TEX9: variants seen among roughly 807,000 people sequenced by gnomAD.
The protein encoded by TEX9 is testis-expressed protein 9.
In TEX9, 74 loss-of-function variants were observed where a neutral mutation model predicts 59.6. The ratio of observed to expected loss-of-function variants is 1.24; its 90% CI spans 1.03 to 1.51. The LOEUF (loss-of-function observed/expected upper bound fraction) is 1.51. Among genes scored for constraint, TEX9 ranks in the 40% most tolerant of loss-of-function variants. The pLI, the probability that TEX9 is intolerant of heterozygous loss-of-function variation, is 0.00. For synonymous variants in TEX9, 186 were observed against 152.2 expected, an observed-to-expected ratio of 1.22 and a Z score of -1.64; for missense variants, 522 against 447.8, an observed-to-expected ratio of 1.17 and a Z score of -1.49.
intron 1 of TEX9, among the ~76,000 whole-genome samples, chr15:56,321,304 G>A (rs2045896043): frequency 6.6e-6 from 1 of 152,176 alleles, no homozygotes; most frequent in Non-Finnish European, 1.5e-5. Context: ...CCAGAGCACA[G>A]AATACTCAGG....
chr15:56,436,755 T>TA (rs2050732897), intron 12 of TEX9, among the ~76,000 whole-genome samples: 1 of 151,822 alleles, frequency 6.6e-6, no homozygotes, highest in African/African-American at 2.4e-5. Context: ...ATAGACGCAA[T>TA]AAAAAATGAT....
At chr15:56,420,941 G>C (rs2140226574) in intron 10 of TEX9, among the ~76,000 whole-genome samples, 1 of 151,928 alleles carries the variant, frequency 6.6e-6, no homozygotes, top group East Asian at 1.9e-4. Context: ...TAAATTTATG[G>C]ATACTTTTTT....
intron 12 of TEX9, chr15:56,429,406 T>TATC (rs2050494552): frequency 4.7e-6 from 2 of 424,356 alleles, no homozygotes; most frequent in Admixed American, 4.7e-5. Flanking sequence ...TTTTCTGATT[T>TATC]ATCAGCTCTA....
At chr15:56,400,378 G>T (rs1168138906) in intron 9 of TEX9, among the ~76,000 whole-genome samples, 1 of 152,068 alleles carries the variant, frequency 6.6e-6, no homozygotes, top group Non-Finnish European at 1.5e-5. Context: ...TGAAAGAAAG[G>T]GTATTAGGGA....
chr15:56,458,475 C>T, the TEX9 span, among the ~76,000 whole-genome samples: 8 of 152,046 alleles, frequency 5.3e-5, no homozygotes, highest in South Asian at 8.3e-4. Flanking sequence ...ATCATTATCA[C>T]GCAAAGTCCA....
chr15:56,323,358 A>G, intron 1 of TEX9: 1 of 177,150 alleles, frequency 5.6e-6, no homozygotes, highest in Non-Finnish European at 1.2e-5. Flanking sequence ...GGAAACAAAA[A>G]AAGTTCAAGG....
intron 12 of TEX9, among the ~76,000 whole-genome samples, chr15:56,430,719 C>A (rs1447468941): frequency 6.7e-6 from 1 of 149,642 alleles, no homozygotes; most frequent in Non-Finnish European, 1.5e-5. Context: ...TACTACAGTT[C>A]TAGGGTAGTC....
At chr15:56,268,462 T>C (rs1456350827) in intron 1 of TEX9, among the ~76,000 whole-genome samples, 3 of 152,212 alleles carry the variant, frequency 2.0e-5, no homozygotes, top group Non-Finnish European at 4.4e-5. Flanking sequence ...GCTGTGGGTT[T>C]GTCGTAAATA....
intron 1 of TEX9, among the ~76,000 whole-genome samples, chr15:56,309,923 T>C (rs1179822262): frequency 6.7e-6 from 1 of 150,234 alleles, no homozygotes; most frequent in African/African-American, 2.5e-5. Context: ...GAAGGGGAGG[T>C]GGTAGCAGGT....
intron 7 of TEX9, 111 bp downstream of exon 7, chr15:56,391,529 T>G: frequency 1.4e-6 from 1 of 728,062 alleles, no homozygotes; most frequent in South Asian, 3.6e-5. Context: ...ATGTCTTGGT[T>G]TGTTTCAGAA....
At chr15:56,307,609 C>CT (rs1469414088) in intron 1 of TEX9, among the ~76,000 whole-genome samples, 6 of 152,180 alleles carry the variant, frequency 3.9e-5, no homozygotes, top group Non-Finnish European at 7.3e-5. Context: ...ATAAAATTCA[C>CT]CCTTTTAAAT....
chr15:56,425,529 A>G (rs2050198741), intron 10 of TEX9, among the ~76,000 whole-genome samples: 2 of 152,100 alleles, frequency 1.3e-5, no homozygotes, highest in African/African-American at 4.8e-5. Context: ...CCATTCAGTT[A>G]CTGTATTTTT....
chr15:56,323,227 C>G (rs2045942065), intron 1 of TEX9: 1 of 216,830 alleles, frequency 4.6e-6, no homozygotes, highest in Non-Finnish European at 9.8e-6. Flanking sequence ...GTCAACTTCT[C>G]AAAGTTCTCT....
intron 12 of TEX9, chr15:56,428,600 GCTATTAGCT>G: frequency 1.9e-6 from 1 of 527,192 alleles, no homozygotes; most frequent in Non-Finnish European, 3.3e-6. Context: ...TAGGAGATTA[GCTATTAGCT>G]CTTTTTGAGT....
intron 1 of TEX9, among the ~76,000 whole-genome samples, chr15:56,279,703 A>G (rs2044767922): frequency 6.6e-6 from 1 of 152,226 alleles, no homozygotes; most frequent in African/African-American, 2.4e-5. Flanking sequence ...GGGCCGTTGC[A>G]CAATAATTTA....
intron 1 of TEX9, among the ~76,000 whole-genome samples, chr15:56,320,185 A>G (rs769291639): frequency 2.6e-5 from 4 of 152,338 alleles, no homozygotes; most frequent in African/African-American, 4.8e-5. Context: ...TTCCACTGCA[A>G]TGGAATTATT....
chr15:56,255,787 G>A (rs1054141866), intron 1 of TEX9, among the ~76,000 whole-genome samples: 1 of 151,948 alleles, frequency 6.6e-6, no homozygotes, highest in Non-Finnish European at 1.5e-5. Flanking sequence ...AGCCATTTTA[G>A]AAGACTTTAA....
intron 1 of TEX9, among the ~76,000 whole-genome samples, chr15:56,354,606 C>T (rs1384351459): frequency 6.6e-6 from 1 of 152,178 alleles, no homozygotes; most frequent in African/African-American, 2.4e-5. Context: ...TTGTTCCCTT[C>T]TATCACATTT....
At chr15:56,265,363 G>A (rs2044357059) in intron 1 of TEX9, among the ~76,000 whole-genome samples, 1 of 151,622 alleles carries the variant, frequency 6.6e-6, no homozygotes, top group South Asian at 2.1e-4. Flanking sequence ...TGTAGAGACA[G>A]GGTCTCCTCC....
Sources: allele counts gnomAD v4.1 joint callset (sites outside exome capture counted in the v4.1 genomes callset), GRCh38; gene constraint gnomAD v4.1.1; transcripts MANE v1.5; gene names NCBI Gene and HGNC (gene_info 2026-07-23, HGNC 2026-07-21).